RSRC1: variants seen among roughly 807,000 people sequenced by gnomAD.
RSRC1 encodes arginine and serine rich coiled-coil 1.
A neutral mutation model predicts 49.1 loss-of-function variants in RSRC1; 39 were observed. The ratio of observed to expected loss-of-function variants is 0.79; its 90% confidence interval spans 0.61 to 1.04. The LOEUF is 1.04. Ranked by LOEUF, RSRC1 falls within the 50% of genes least tolerant of loss-of-function variation. The pLI, the probability that RSRC1 is intolerant of heterozygous loss-of-function variation, is 0.00. For missense variants in RSRC1, 388 were observed against 402.4 expected, an observed-to-expected ratio of 0.96 and a Z score of 0.31; for synonymous variants, 143 against 130.8, an observed-to-expected ratio of 1.09 and a Z score of -0.63.
chr3:158,243,339 G>T (rs1354125785), intron 4 of RSRC1, among the ~76,000 whole-genome samples: 3 of 152,084 alleles, frequency 2.0e-5, no homozygotes, highest in African/African-American at 7.2e-5. Context: ...TGTCAGGTTT[G>T]TCAGAGATCA....
intron 4 of RSRC1, among the ~76,000 whole-genome samples, chr3:158,297,370 AAGC>A (rs1222634985): frequency 1.3e-5 from 2 of 152,162 alleles, no homozygotes; most frequent in African/African-American, 4.8e-5. Flanking sequence ...CTACAGTAAA[AAGC>A]AGGAAATTTA....
chr3:158,321,542 A>G (rs998313979), intron 5 of RSRC1, among the ~76,000 whole-genome samples: 1 of 150,190 alleles, frequency 6.7e-6, no homozygotes, highest in Non-Finnish European at 1.5e-5. Flanking sequence ...ATGCTTTACC[A>G]TGTTGGTATA....
chr3:158,449,948 T>A (rs1736928715), intron 6 of RSRC1, among the ~76,000 whole-genome samples: 1 of 152,006 alleles, frequency 6.6e-6, no homozygotes, highest in African/African-American at 2.4e-5. Flanking sequence ...ATTGCAACTA[T>A]AATTGACGTG....
chr3:158,404,584 G>A (rs1003743266), intron 6 of RSRC1, among the ~76,000 whole-genome samples: 3 of 151,172 alleles, frequency 2.0e-5, no homozygotes, highest in Non-Finnish European at 4.5e-5. Flanking sequence ...ATAATGGCTT[G>A]TCTAGTAAAT....
chr3:158,296,071 T>C (rs985850229), intron 4 of RSRC1, among the ~76,000 whole-genome samples: 13 of 152,100 alleles, frequency 8.5e-5, no homozygotes, highest in Non-Finnish European at 1.5e-4. Context: ...TGATAAAGCA[T>C]GTCTAGCCCC....
intron 6 of RSRC1, among the ~76,000 whole-genome samples, chr3:158,445,217 C>T (rs150993841): frequency 1.2e-3 from 178 of 152,146 alleles, no homozygotes; most frequent in African/African-American, 3.8e-3. Flanking sequence ...ATGTTTATTG[C>T]GGCACTATTC....
At chr3:158,377,484 A>C (rs1045685858) in intron 6 of RSRC1, among the ~76,000 whole-genome samples, 3 of 151,964 alleles carry the variant, frequency 2.0e-5, no homozygotes, top group Non-Finnish European at 2.9e-5. Flanking sequence ...TGTTTAAAAG[A>C]GTGTAGTGTC....
chr3:158,354,935 A>T, intron 6 of RSRC1, 27 bp downstream of exon 6: 1 of 1,499,760 alleles, frequency 6.7e-7, no homozygotes, highest in Non-Finnish European at 8.9e-7. Context: ...AACTTTTATT[A>T]AATGAAGAAG....
rs773930659 is a variant in RSRC1 at position 158,203,094 on chromosome 3, C to T, written c.343C>T (p.Arg115Cys). 1.5e-5 allele frequency: 25 copies of T among 1,612,952 alleles called. No individual in the cohort carries two copies. Among genetic ancestry groups the T allele is most frequent in the Middle Eastern group, 1.6e-4 (1 of 6,078 alleles). ...TRRSRSRPRL[R>C]SHSRSSERSS... ...TAGGTCCAGGTCAAGACCTCGTCTC[C>T]GTTCTCATAGTCGTAGCAGTGAAAG... is the stretch of plus-strand genomic sequence containing the variant. Residue 115 changes from arginine to cysteine, a missense_variant, in exon 4 of 10, where the codon CGT (arginine) becomes TGT (cysteine). Physicochemically the swap from Arg to Cys is radical, Grantham distance 180. Transcript: ENST00000611884.
intron 4 of RSRC1, among the ~76,000 whole-genome samples, chr3:158,211,803 T>C (rs764374071): frequency 4.4e-5 from 6 of 136,132 alleles, no homozygotes; most frequent in Admixed American, 2.3e-4. Context: ...TACTATGTAG[T>C]AGCAGCTCAA....
intron 4 of RSRC1, among the ~76,000 whole-genome samples, chr3:158,205,340 C>T (rs1233647803): frequency 6.6e-6 from 1 of 152,018 alleles, no homozygotes; most frequent in Non-Finnish European, 1.5e-5. Context: ...TTGTATCACT[C>T]AGAGCACCTA....
intron 6 of RSRC1, among the ~76,000 whole-genome samples, chr3:158,451,013 T>C (rs1206816212): frequency 6.6e-6 from 1 of 151,924 alleles, no homozygotes; most frequent in Non-Finnish European, 1.5e-5. Context: ...ATGTTCTTAG[T>C]AATTATATTT....
At chr3:158,393,355 C>CA (rs1377384893) in intron 6 of RSRC1, among the ~76,000 whole-genome samples, 2 of 151,510 alleles carry the variant, frequency 1.3e-5, no homozygotes, top group East Asian at 1.9e-4. Context: ...CACACACACA[C>CA]AAAAAATCAT....
intron 3 of RSRC1, among the ~76,000 whole-genome samples, chr3:158,159,916 T>C (rs550451198): frequency 7.2e-5 from 11 of 152,246 alleles, no homozygotes; most frequent in Admixed American, 6.5e-4. Flanking sequence ...CTTAATGCCA[T>C]GTATGTGGGT....
At position 158,420,640 on chromosome 3, in the gene RSRC1, C is replaced by T. The variant is rs1442971469; in HGVS notation, c.584-40295C>T. On this transcript the variant is annotated intron_variant, in intron 6 of 9. Coordinates refer to ENST00000611884, the MANE Select transcript of RSRC1 (RefSeq NM_001271838.2). ...GAGAGTTTATGACTCTCTAAATGCA[C>T]GAAACCAATATAAATGAAATTCCTA... Among the ~76,000 whole-genome samples, 12 of 151,720 alleles carry T rather than the reference C, an allele frequency of 7.9e-5. 1 individual carries two copies. In the South Asian group the frequency reaches 1.9e-3, roughly 24 times the overall value.
At chr3:158,541,715 G>A (rs1713040588) in intron 8 of RSRC1, among the ~76,000 whole-genome samples, 1 of 151,992 alleles carries the variant, frequency 6.6e-6, no homozygotes, top group South Asian at 2.1e-4. Context: ...GTATAAAAAA[G>A]GCTACATAAC....
chr3:158,140,462 A>G (rs184762196), intron 3 of RSRC1, among the ~76,000 whole-genome samples: 1 of 152,336 alleles, frequency 6.6e-6, no homozygotes, highest in Admixed American at 6.5e-5. Flanking sequence ...GTAACAGCAC[A>G]TTGGACATGT....
chr3:158,507,429 T>C (rs991130911), intron 7 of RSRC1, among the ~76,000 whole-genome samples: 2 of 152,130 alleles, frequency 1.3e-5, no homozygotes, highest in Non-Finnish European at 2.9e-5. Context: ...GTGATAAATA[T>C]TGCAGTTACC....
intron 3 of RSRC1, among the ~76,000 whole-genome samples, chr3:158,164,493 AAG>A (rs1190326631): frequency 4.6e-5 from 7 of 152,134 alleles, no homozygotes; most frequent in Admixed American, 4.6e-4. Flanking sequence ...TGATTACAAA[AAG>A]AATGATTTTA....
Sources: gnomAD v4.1 joint callset for allele counts (sites outside exome capture counted in the v4.1 genomes callset) on GRCh38, gnomAD v4.1.1 for gene constraint, MANE v1.5 for transcripts, NCBI Gene and HGNC (gene_info 2026-07-23, HGNC 2026-07-21) for gene names.